The following CHID1 variants were observed in gnomAD, a reference collection of about 807,000 sequenced individuals.
The protein encoded by CHID1 is chitinase domain containing 1.
CHID1 carries 44 observed loss-of-function variants against 55.4 expected under a neutral mutation model. That is an observed-to-expected ratio of 0.79 (90% CI 0.62 to 1.02). The LOEUF (loss-of-function observed/expected upper bound fraction) is 1.02. CHID1 is among the 50% of genes least tolerant of loss of function. The pLI is 0.00. For missense variants in CHID1, 491 were observed against 515.3 expected, an observed-to-expected ratio of 0.95 and a Z score of 0.46; for synonymous variants, 216 against 212.9, an observed-to-expected ratio of 1.01 and a Z score of -0.13.
At chr11:870,800 A>G (rs2134099961) in intron 10 of CHID1, 1 of 332,006 alleles carries the variant, frequency 3.0e-6, no homozygotes. Context: ...CCTGAGGGTG[A>G]CCCTCAGGCC....
upstream of CHID1, chr11:911,532 C>T (rs976671830): frequency 6.6e-6 from 1 of 152,134 alleles, no homozygotes; most frequent in Non-Finnish European, 1.5e-5. Context: ...TACAGAAAAC[C>T]GCACGGCCGG....
At chr11:901,135 G>C (rs1016660722) in intron 4 of CHID1, among the ~76,000 whole-genome samples, 155 bp from the exon 5 acceptor site, 2 of 151,768 alleles carry the variant, frequency 1.3e-5, no homozygotes, top group Non-Finnish European at 2.9e-5. Flanking sequence ...CCTGGCCCAG[G>C]GCTGGCTCTC....
intron 6 of CHID1, 94 bp from the exon 7 acceptor site, chr11:899,495 G>T: frequency 8.3e-7 from 1 of 1,201,770 alleles, no homozygotes; most frequent in Non-Finnish European, 1.2e-6. Flanking sequence ...ACATGGTCAG[G>T]TTGTGGCCTG....
At chr11:880,901 T>G (rs1411309264) in intron 10 of CHID1, among the ~76,000 whole-genome samples, 1 of 152,134 alleles carries the variant, frequency 6.6e-6, no homozygotes, top group Non-Finnish European at 1.5e-5. Flanking sequence ...ATAAAAATGC[T>G]AAAACACCCA....
At chr11:880,203 A>C in intron 10 of CHID1, among the ~76,000 whole-genome samples, 1 of 152,302 alleles carries the variant, frequency 6.6e-6, no homozygotes, top group South Asian at 2.1e-4. Flanking sequence ...CGCGTGTCTC[A>C]GTGTGTGGCT....
At position 904,832 on chromosome 11, in the gene CHID1, G is replaced by C; in HGVS notation, c.-16C>G. On this transcript the variant is annotated 5_prime_UTR_variant, in exon 2 of 13. Coordinates refer to ENST00000323578, the MANE Select transcript of CHID1 (RefSeq NM_023947.4). ...GTGTCCGCATGGTAGGTGTGTCACA[G>C]TAGGGTCCAACCTCGGGGTCCAGAG... 1 of 1,613,598 alleles carries C rather than the reference G, an allele frequency of 6.2e-7. No individual in the cohort carries two copies. The highest frequency in any genetic ancestry group is 8.5e-7 in the Non-Finnish European group (1 of 1,179,966).
chr11:879,888 AACCAGGC>A (rs1272786835), intron 10 of CHID1, among the ~76,000 whole-genome samples: 1 of 152,232 alleles, frequency 6.6e-6, no homozygotes, highest in African/African-American at 2.4e-5. Context: ...AAGGTCCCAG[AACCAGGC>A]ACCATGTCAG....
At position 883,079 on chromosome 11, in the gene CHID1, T is replaced by A. The variant is rs187469707; in HGVS notation, c.959+69A>T. The A allele has an allele frequency of 6.2e-4, 930 of 1,503,188 alleles. 12 individuals carry two copies. In the East Asian group the frequency reaches 0.018, roughly 29 times the overall value. The allele number at this position is 1,503,188 out of a possible 1,614,324, so 93.1% of individuals were successfully genotyped here. A position where few individuals can be genotyped will look rare whatever the true frequency, so the allele number is the denominator to read the frequency against. On this transcript the variant is annotated intron_variant, in intron 10 of 12. Coordinates refer to ENST00000323578, the MANE Select transcript of CHID1 (RefSeq NM_023947.4). Reference sequence around the variant, plus strand: ...GACCGAGACCCTCCCCATCACTCTGTCTCCTTACACCCACACCCACCCGCG... The same window carrying A: ...GACCGAGACCCTCCCCATCACTCTGACTCCTTACACCCACACCCACCCGCG...
chr11:893,869 CG>C (rs2134250897), intron 7 of CHID1, among the ~76,000 whole-genome samples: 1 of 151,858 alleles, frequency 6.6e-6, no homozygotes, highest in South Asian at 2.1e-4. Context: ...CGGTGGCTCA[CG>C]CCGGTAATCC....
upstream of CHID1, among the ~76,000 whole-genome samples, chr11:913,163 G>A (rs1249302408): frequency 1.4e-5 from 2 of 142,434 alleles, no homozygotes; most frequent in African/African-American, 5.3e-5. Flanking sequence ...AAAAAAAAAA[G>A]TATCACAATG....
chr11:899,101 C>A (rs951517983), intron 7 of CHID1, among the ~76,000 whole-genome samples: 1 of 152,256 alleles, frequency 6.6e-6, no homozygotes. Context: ...CGCAGCAATG[C>A]GCTCGGAGCC....
intron 2 of CHID1, among the ~76,000 whole-genome samples, chr11:903,452 G>A (rs1431325855): frequency 2.6e-5 from 4 of 152,188 alleles, no homozygotes; most frequent in South Asian, 2.1e-4. Context: ...ATACCCATCC[G>A]GGCACTCCAG....
chr11:883,134 A>T lies in CHID1; in HGVS notation c.959+14T>A. The T allele has an allele frequency of 6.2e-7, 1 of 1,603,730 alleles. No individual in the cohort carries two copies. Among genetic ancestry groups the T allele is most frequent in the Non-Finnish European group, 8.5e-7 (1 of 1,171,756 alleles). On this transcript the variant is annotated intron_variant, in intron 10 of 12. Transcript: ENST00000323578. Reference sequence around the variant, plus strand: ...GTGACACCTTCAGCACGGCAGGGAGAGCCCTTGGCTCACCTGGCCCCGACA... The same window carrying T: ...GTGACACCTTCAGCACGGCAGGGAGTGCCCTTGGCTCACCTGGCCCCGACA...
In CHID1 at chr11:883,204, G is replaced by T; in HGVS notation, c.903C>A (p.Phe301Leu). The T allele has an allele frequency of 6.2e-7, 1 of 1,614,162 alleles. No individual in the cohort carries two copies. The highest frequency in any genetic ancestry group is 8.5e-7 in the Non-Finnish European group (1 of 1,179,990). The change falls in exon 10 of 13, where the codon TTC (phenylalanine) becomes TTA (leucine). Residue 301 changes from phenylalanine (F) to leucine (L), a missense_variant. Physicochemically the swap from Phe to Leu is conservative, Grantham distance 22 (BLOSUM62 0). Coordinates refer to ENST00000323578, the MANE Select transcript of CHID1 (RefSeq NM_023947.4). Reference protein sequence around the residue: ...WRSKILLGLNFYGMDYATSKD... With the variant: ...WRSKILLGLNLYGMDYATSKD... ...TGGAGGTCGCGTAGTCCATACCATA[G>T]AAGTTGAGCCCCAGGAGGATTTTGC...
At chr11:908,149 T>A (rs570703410) in intron 1 of CHID1, 2 of 152,290 alleles carry the variant, frequency 1.3e-5, no homozygotes, top group African/African-American at 4.8e-5. Context: ...CTCCCCCACC[T>A]AGGAGGCAGG....
intron 10 of CHID1, among the ~76,000 whole-genome samples, chr11:873,762 GC>G (rs1320725661): frequency 6.6e-6 from 1 of 152,152 alleles, no homozygotes; most frequent in Non-Finnish European, 1.5e-5. Flanking sequence ...TTTTTGGGGA[GC>G]AGTAATGCGG....
At chr11:907,252 C>T (rs1050789999) in intron 1 of CHID1, among the ~76,000 whole-genome samples, 11 of 152,228 alleles carry the variant, frequency 7.2e-5, no homozygotes, top group South Asian at 2.1e-4. Context: ...GAGGCCGAAG[C>T]GGGCAGATCA....
At chr11:897,816 C>T (rs545042480) in intron 7 of CHID1, among the ~76,000 whole-genome samples, 10 of 151,870 alleles carry the variant, frequency 6.6e-5, no homozygotes, top group Non-Finnish European at 1.3e-4. Flanking sequence ...GCACCAGGAT[C>T]CAGTGGGCAA....
rs1404604127 is a variant in CHID1 at position 868,871 on chromosome 11, C to T, written c.*987G>A. On this transcript the variant is annotated 3_prime_UTR_variant, in exon 13 of 13. Transcript: ENST00000323578. ...GACTCACTTCTGTCCCCCCGAGAGA[C>T]CTTGCCCGGGACATGTACCCACCTA... 1 of 152,354 alleles carries T rather than the reference C, an allele frequency of 6.6e-6. No homozygotes were observed. Among genetic ancestry groups the T allele is most frequent in the Non-Finnish European group, 1.5e-5 (1 of 68,206 alleles). The allele number at this position is 152,354 out of a possible 1,614,324, so 9.4% of individuals were successfully genotyped here.
Sources: allele counts gnomAD v4.1 joint callset (sites outside exome capture counted in the v4.1 genomes callset), GRCh38; gene constraint gnomAD v4.1.1; transcripts MANE v1.5; gene names NCBI Gene and HGNC (gene_info 2026-07-23, HGNC 2026-07-21).